The following ZNF366 variants were observed in gnomAD, a reference collection of about 807,000 sequenced individuals.
ZNF366 encodes the protein zinc finger protein 366.
A neutral mutation model predicts 47.2 loss-of-function variants in ZNF366; 20 were observed. The ratio of observed to expected loss-of-function variants is 0.42; its 90% CI spans 0.30 to 0.62. The LOEUF (loss-of-function observed/expected upper bound fraction) is 0.62, where lower values mean the gene tolerates loss of function less well. Ranked by LOEUF, ZNF366 falls within the 20% of genes least tolerant of loss-of-function variation. The pLI, the probability that ZNF366 is intolerant of heterozygous loss-of-function variation, is 0.16. For synonymous variants in ZNF366, 421 were observed against 395.1 expected (o/e 1.07, Z -0.78); for missense variants, 987 against 976.3 (o/e 1.01, Z -0.15).
intron 3 of ZNF366, among the ~76,000 whole-genome samples, chr5:72,450,896 G>A (rs1429580632): frequency 6.6e-6 from 1 of 152,228 alleles, no homozygotes; most frequent in African/African-American, 2.4e-5. Context: ...GATGGGGCCA[G>A]TGAATCACAG....
chr5:72,463,502 A>G (rs1451716098), intron 1 of ZNF366, among the ~76,000 whole-genome samples: 1 of 152,198 alleles, frequency 6.6e-6, no homozygotes, highest in African/African-American at 2.4e-5. Context: ...AAGCTCTTGT[A>G]TGTCCAGCAA....
chr5:72,503,324 G>A (rs1445909804), intron 1 of ZNF366, among the ~76,000 whole-genome samples: 1 of 152,090 alleles, frequency 6.6e-6, no homozygotes, highest in Non-Finnish European at 1.5e-5. Flanking sequence ...AGAACATCCA[G>A]TGCTGAATAG....
At chr5:72,497,176 AT>A (rs1744131044) in intron 1 of ZNF366, among the ~76,000 whole-genome samples, 2 of 152,106 alleles carry the variant, frequency 1.3e-5, no homozygotes, top group Admixed American at 1.3e-4. Flanking sequence ...GTTTTCATGT[AT>A]TTCATGTTTT....
chr5:72,452,276 G>C (rs1356379491), intron 3 of ZNF366, among the ~76,000 whole-genome samples: 5 of 152,208 alleles, frequency 3.3e-5, no homozygotes, highest in Admixed American at 2.0e-4. Context: ...GGGAGGGAGA[G>C]AGAGACTGTA....
intron 4 of ZNF366, among the ~76,000 whole-genome samples, chr5:72,444,609 A>AT (rs34574712): frequency 0.065 from 9,762 of 150,560 alleles, 378 homozygotes; most frequent in African/African-American, 0.11. Flanking sequence ...ATATCACCAT[A>AT]TTTTTTTTTT....
chr5:72,460,137 G>C (rs751470804), intron 2 of ZNF366, 28 bp downstream of exon 2: 8 of 1,604,902 alleles, frequency 5.0e-6, no homozygotes, highest in Non-Finnish European at 6.8e-6. Flanking sequence ...CCAAGGCCCC[G>C]TCCGCCCCAC....
chr5:72,482,534 T>A (rs1743808851), intron 1 of ZNF366, among the ~76,000 whole-genome samples: 1 of 152,184 alleles, frequency 6.6e-6, no homozygotes. Flanking sequence ...AAACCATCTA[T>A]GAGCCCTAAA....
Position 72,447,238 on chromosome 5 carries a change from A to T in ZNF366, c.1699+5T>A. 6.2e-7 allele frequency: 1 copy of T among 1,613,980 alleles called. No individual in the cohort carries two copies. On this transcript the variant is annotated splice_donor_5th_base_variant and intron_variant, in intron 4 of 4. Transcript: ENST00000318442. ...ACTTGCAGGGCTTCCCAGAAGAGTG[A>T]TTACCTTGGGAATGAAGGCCCCGCT...
chr5:72,484,495 A>AAAAAAAT (rs1313925109), intron 1 of ZNF366, among the ~76,000 whole-genome samples: 1 of 145,824 alleles, frequency 6.9e-6, no homozygotes, highest in African/African-American at 2.6e-5. Flanking sequence ...AAAAAAAAAA[A>AAAAAAAT]AATAATAATA....
intron 1 of ZNF366, chr5:72,494,399 T>A (rs1030071759): frequency 9.9e-5 from 15 of 152,148 alleles, no homozygotes; most frequent in African/African-American, 3.6e-4. Flanking sequence ...AGTACAAACA[T>A]CATTTAAAAT....
chr5:72,448,543 G>A (rs1743003274), intron 3 of ZNF366, among the ~76,000 whole-genome samples: 1 of 152,090 alleles, frequency 6.6e-6, no homozygotes, highest in Non-Finnish European at 1.5e-5. Context: ...TCTGTGATTG[G>A]ACAAGAATGT....
chr5:72,443,232 C>T lies in ZNF366; in HGVS notation c.*524G>A, dbSNP rs1742891953. ...TATATCTGCAGCAACTACTGGAGAG[C>T]ATTCTCTTCAATAGCTCATCCTCCT... is the stretch of plus-strand genomic sequence containing the variant. On this transcript the variant is annotated 3_prime_UTR_variant, in exon 5 of 5. Coordinates refer to ENST00000318442, the MANE Select transcript of ZNF366 (RefSeq NM_152625.3). 6.6e-6 allele frequency: 1 copy of T among 152,514 alleles called. No individual in the cohort carries two copies. The highest frequency in any genetic ancestry group is 2.4e-5 in the African/African-American group (1 of 41,450). 9.4% of individuals were successfully genotyped at this position (152,514 alleles called of 1,614,324 possible). A position where few individuals can be genotyped will look rare whatever the true frequency, so the allele number is the denominator to read the frequency against.
intron 1 of ZNF366, among the ~76,000 whole-genome samples, chr5:72,471,117 A>G (rs1047452282): frequency 4.6e-5 from 7 of 152,148 alleles, no homozygotes; most frequent in African/African-American, 1.4e-4. Context: ...CACTGACTCA[A>G]TAGCTGCAGA....
rs199645795 is a variant in ZNF366, at chr5:72,504,105, GCA to G, written c.-15+3144_-15+3145del. On this transcript the variant is annotated intron_variant, in intron 1 of 4. Transcript: ENST00000318442. ...CATGCGCGCGCACACACGCGTGCAT[GCA>G]CACACACACGCACACCCATGGTGAT... 1.3e-3 allele frequency among the ~76,000 whole-genome samples: 202 copies of G among 151,824 alleles called. 2 individuals are homozygous for G. In the East Asian group the frequency reaches 0.032, roughly 24 times the overall value.
chr5:72,487,022 G>A (rs1008183162), intron 1 of ZNF366, among the ~76,000 whole-genome samples: 1 of 152,110 alleles, frequency 6.6e-6, no homozygotes, highest in Non-Finnish European at 1.5e-5. Context: ...TGATCCACCC[G>A]CCTTGGCCTC....
chr5:72,505,702 C>T (rs1287236544), intron 1 of ZNF366, among the ~76,000 whole-genome samples: 3 of 152,194 alleles, frequency 2.0e-5, no homozygotes, highest in African/African-American at 4.8e-5. Context: ...AAGTCAAGAT[C>T]GCAGACCTGC....
Position 72,493,390 on chromosome 5 carries a change from G to T in ZNF366, c.-15+13861C>A, listed in dbSNP as rs1282939927. ...AAATAAGTTAAGCAAATTTCCCAAG[G>T]TCACACAGATAATAAAGGAAAGAAT... is the stretch of plus-strand genomic sequence containing the variant. On this transcript the variant is annotated intron_variant, in intron 1 of 4. Coordinates refer to ENST00000318442, the MANE Select transcript of ZNF366 (RefSeq NM_152625.3). Among the ~76,000 whole-genome samples the T allele has an allele frequency of 4.6e-5, 7 of 152,130 alleles. No homozygotes were observed. In the South Asian group the frequency reaches 1.4e-3, roughly 32 times the overall value.
At chr5:72,467,378 C>G (rs1216480747) in intron 1 of ZNF366, among the ~76,000 whole-genome samples, 2 of 152,104 alleles carry the variant, frequency 1.3e-5, no homozygotes, top group African/African-American at 4.8e-5. Flanking sequence ...AAAACCAAAA[C>G]CAAAACCTCC....
intron 1 of ZNF366, among the ~76,000 whole-genome samples, chr5:72,482,793 TTC>T (rs1743816123): frequency 6.7e-6 from 1 of 150,064 alleles, no homozygotes. Flanking sequence ...TGATTTTAAA[TTC>T]TGAGAAACCT....
Sources: gnomAD v4.1 joint callset for allele counts (sites outside exome capture counted in the v4.1 genomes callset) on GRCh38, gnomAD v4.1.1 for gene constraint, MANE v1.5 for transcripts, NCBI Gene and HGNC (gene_info 2026-07-23, HGNC 2026-07-21) for gene names.